MCC: variants seen among roughly 807,000 people sequenced by gnomAD.
MCC encodes the protein MCC regulator of Wnt signaling pathway.
Under a neutral mutation model 116.2 loss-of-function variants are expected in MCC, and 90 were observed. The observed-to-expected ratio is 0.77, with a 90% confidence interval of 0.65 to 0.92. MCC has a LOEUF of 0.92. Among genes scored for constraint, MCC ranks in the 40% least tolerant of loss-of-function variants. The pLI, the probability that MCC is intolerant of heterozygous loss-of-function variation, is 0.00. For synonymous variants in MCC, 578 were observed against 510.5 expected, an observed-to-expected ratio of 1.13 and a Z score of -1.78; for missense variants, 1,516 against 1,312.2, an observed-to-expected ratio of 1.16 and a Z score of -2.40.
chr5:113,161,903 C>G (rs1262589327), intron 3 of MCC, among the ~76,000 whole-genome samples: 1 of 152,184 alleles, frequency 6.6e-6, no homozygotes, highest in Non-Finnish European at 1.5e-5. Context: ...ATGCTTGATG[C>G]CACGGCATGC....
At chr5:113,054,050 C>G (rs4705536) in intron 14 of MCC, 91 bp from the exon 15 acceptor site, 866,766 of 893,842 alleles carry the variant, frequency 0.97, 421,265 homozygotes, top group East Asian at 1. Flanking sequence ...TCCACATTCC[C>G]TCTCCCCAGT....
intron 1 of MCC, among the ~76,000 whole-genome samples, chr5:113,455,805 T>C (rs543530492): frequency 3.0e-4 from 46 of 152,362 alleles, no homozygotes; most frequent in African/African-American, 1.0e-3. Flanking sequence ...TATTACCTAC[T>C]GAGTTTGCAG....
intron 3 of MCC, among the ~76,000 whole-genome samples, chr5:113,303,627 G>A (rs972061265): frequency 1.3e-5 from 2 of 152,132 alleles, no homozygotes; most frequent in Admixed American, 1.3e-4. Context: ...ATTGAATGGT[G>A]TGTAGGAAGT....
chr5:113,344,566 A>T (rs112516798), intron 2 of MCC, among the ~76,000 whole-genome samples: 1,721 of 151,678 alleles, frequency 0.011, 32 homozygotes, highest in African/African-American at 0.038. Flanking sequence ...AAGAGTAAAG[A>T]GGATTTGGTT....
intron 3 of MCC, among the ~76,000 whole-genome samples, chr5:113,245,922 T>C (rs546232996): frequency 1.4e-4 from 21 of 152,316 alleles, no homozygotes; most frequent in African/African-American, 5.1e-4. Flanking sequence ...TATGGAAGTC[T>C]GGGCTTCTCA....
chr5:113,127,158 T>C lies in MCC; in HGVS notation c.885-4332A>G, dbSNP rs183640000. ...CTAAGGTTAATAGCCTCTGGCTCCATCCATCTTCCCACAAGACATGAGCTT... is the reference window on the plus strand; with the variant it reads ...CTAAGGTTAATAGCCTCTGGCTCCACCCATCTTCCCACAAGACATGAGCTT... On this transcript the variant is annotated intron_variant, in intron 5 of 18. Transcript: ENST00000408903. 7.2e-5 allele frequency among the ~76,000 whole-genome samples: 11 copies of C among 152,348 alleles called. No homozygotes were observed. In the East Asian group the frequency reaches 1.9e-3, roughly 27 times the overall value.
chr5:113,331,342 G>C (rs1767691524), intron 3 of MCC, among the ~76,000 whole-genome samples: 1 of 151,732 alleles, frequency 6.6e-6, no homozygotes, highest in East Asian at 1.9e-4. Context: ...GCAAAGATCT[G>C]AAGTAGCTCT....
At chr5:113,239,019 G>GC (rs1764259679) in intron 3 of MCC, among the ~76,000 whole-genome samples, 1 of 151,786 alleles carries the variant, frequency 6.6e-6, no homozygotes, top group South Asian at 2.1e-4. Flanking sequence ...TCATGCATAT[G>GC]TTTTTTTTCA....
intron 1 of MCC, among the ~76,000 whole-genome samples, chr5:113,420,886 G>T (rs933917737): frequency 6.6e-6 from 1 of 151,950 alleles, no homozygotes; most frequent in African/African-American, 2.4e-5. Flanking sequence ...TTGCTATTTG[G>T]AATCAAAGGA....
intron 3 of MCC, among the ~76,000 whole-genome samples, chr5:113,166,847 A>G (rs1385543221): frequency 6.6e-6 from 1 of 152,158 alleles, no homozygotes; most frequent in Non-Finnish European, 1.5e-5. Flanking sequence ...GCTGCCAAGC[A>G]TATGATGAAC....
intron 2 of MCC, among the ~76,000 whole-genome samples, chr5:113,371,172 G>A (rs1255175910): frequency 3.9e-5 from 6 of 152,208 alleles, no homozygotes; most frequent in Admixed American, 2.6e-4. Context: ...AGTGAGCCAA[G>A]GTTGTGCCAC....
intron 1 of MCC, among the ~76,000 whole-genome samples, chr5:113,487,000 A>G (rs1421068837): frequency 4.6e-5 from 7 of 152,194 alleles, no homozygotes; most frequent in Admixed American, 4.6e-4. Context: ...AGAAATTTGC[A>G]TGGAGTCAAT....
intron 1 of MCC, among the ~76,000 whole-genome samples, chr5:113,421,987 T>G (rs1770349549): frequency 6.6e-6 from 1 of 152,200 alleles, no homozygotes; most frequent in African/African-American, 2.4e-5. Flanking sequence ...TTTTTGCCAC[T>G]TTTTCAGCTT....
chr5:113,367,639 G>GC (rs1561540232), intron 2 of MCC, among the ~76,000 whole-genome samples: 1 of 84,220 alleles, frequency 1.2e-5, no homozygotes, highest in Non-Finnish European at 2.3e-5. Context: ...TGGGGGGGGG[G>GC]AAGAGAGAGA....
chr5:113,279,889 G>T (rs1765970401), intron 3 of MCC, among the ~76,000 whole-genome samples: 1 of 152,216 alleles, frequency 6.6e-6, no homozygotes, highest in African/African-American at 2.4e-5. Context: ...TGCATAAAGG[G>T]AATACTTGCA....
At chr5:113,064,254 CT>C in intron 13 of MCC, 87 bp from the exon 14 acceptor site, 1 of 1,254,528 alleles carries the variant, frequency 8.0e-7, no homozygotes, top group Non-Finnish European at 1.1e-6. Flanking sequence ...AACTCTGTTA[CT>C]TAGGGCAGAG....
intron 1 of MCC, among the ~76,000 whole-genome samples, chr5:113,468,972 A>C (rs1472468138): frequency 6.6e-6 from 1 of 152,126 alleles, no homozygotes; most frequent in African/African-American, 2.4e-5. Context: ...ATTTGCATAG[A>C]GGTGTTTATA....
At chr5:113,265,177 C>T (rs1187107485) in intron 3 of MCC, among the ~76,000 whole-genome samples, 2 of 152,162 alleles carry the variant, frequency 1.3e-5, no homozygotes, top group Non-Finnish European at 2.9e-5. Flanking sequence ...TACTAAGTAG[C>T]CCTTAACAGA....
intron 6 of MCC, among the ~76,000 whole-genome samples, chr5:113,120,457 A>G (rs1008423231): frequency 5.3e-5 from 8 of 152,174 alleles, no homozygotes; most frequent in Non-Finnish European, 1.0e-4. Context: ...CAGACTACTG[A>G]TCGCTCCTTC....
Sources: gnomAD v4.1 joint callset for allele counts (sites outside exome capture counted in the v4.1 genomes callset) on GRCh38, gnomAD v4.1.1 for gene constraint, MANE v1.5 for transcripts, NCBI Gene and HGNC (gene_info 2026-07-23, HGNC 2026-07-21) for gene names.